ACOT7: variants seen among roughly 807,000 people sequenced by gnomAD.
ACOT7 encodes cytosolic acyl coenzyme A thioester hydrolase.
A neutral mutation model predicts 40.2 loss-of-function variants in ACOT7; 12 were observed. The ratio of observed to expected loss-of-function variants is 0.30; its 90% CI spans 0.19 to 0.48. The LOEUF is 0.48. Among genes scored for constraint, ACOT7 ranks in the 20% least tolerant of loss-of-function variants. The pLI is 0.99. For missense variants in ACOT7, 395 were observed against 530.8 expected (o/e 0.74, Z 2.51); for synonymous variants, 228 against 219.5 (o/e 1.04, Z -0.34).
chr1:6,325,388 A>AC (rs1208479844), intron 5 of ACOT7, among the ~76,000 whole-genome samples: 2 of 144,342 alleles, frequency 1.4e-5, no homozygotes, highest in African/African-American at 5.7e-5. Flanking sequence ...ATAGAGCGAG[A>AC]TTCTGCCTCA....
intron 8 of ACOT7, among the ~76,000 whole-genome samples, chr1:6,266,027 T>C (rs1429271915): frequency 6.6e-6 from 1 of 152,152 alleles, no homozygotes; most frequent in Non-Finnish European, 1.5e-5. Context: ...CTGGAGCCAA[T>C]GGAATCTTCG....
intron 2 of ACOT7, among the ~76,000 whole-genome samples, chr1:6,345,127 G>A (rs148641317): frequency 8.5e-5 from 13 of 152,306 alleles, no homozygotes; most frequent in South Asian, 2.1e-4. Context: ...CCAGTGCCTC[G>A]GATGAGCCCC....
Position 6,361,548 on chromosome 1 carries a change from C to T in ACOT7, c.144-11682G>A, listed in dbSNP as rs149020163. ...GTGGAGTAGTTCACGCCTGTAATCC[C>T]AGCCCCTTGGGAGGCCGAGGCAGGC... On this transcript the variant is annotated intron_variant, in intron 1 of 8. Coordinates refer to ENST00000361521, the MANE Select transcript of ACOT7 (RefSeq NM_007274.4). 2.3e-3 allele frequency among the ~76,000 whole-genome samples: 352 copies of T among 152,332 alleles called. 2 individuals are homozygous for T. The highest frequency in any genetic ancestry group is 4.3e-3 in the Non-Finnish European group (291 of 68,030).
chr1:6,344,782 A>G lies in ACOT7; in HGVS notation c.261+4967T>C, dbSNP rs1454631663. 3.4e-5 allele frequency among the ~76,000 whole-genome samples: 5 copies of G among 144,990 alleles called. No homozygotes were observed. In the East Asian group the frequency reaches 7.8e-4, roughly 22 times the overall value. Reference sequence around the variant, plus strand: ...CTGTCTCAAAAAAAAAAAAAAAAAAAAAAAAAAAGAAAAGAAGAAGAAAAG... The same window carrying G: ...CTGTCTCAAAAAAAAAAAAAAAAAAGAAAAAAAAGAAAAGAAGAAGAAAAG... On this transcript the variant is annotated intron_variant, in intron 2 of 8. Coordinates refer to ENST00000361521, the MANE Select transcript of ACOT7 (RefSeq NM_007274.4).
At chr1:6,325,629 G>A (rs1454336745) in intron 5 of ACOT7, among the ~76,000 whole-genome samples, 1 of 152,176 alleles carries the variant, frequency 6.6e-6, no homozygotes, top group Non-Finnish European at 1.5e-5. Flanking sequence ...AGTTGAGGCT[G>A]GAGCACAGAC....
Position 6,271,985 on chromosome 1 carries a change from C to T in ACOT7, c.1015-7290G>A, listed in dbSNP as rs577163983. ...CTGCAGGCACGGAGTGCCGTGGTCC[C>T]GGGACGCTCGGCTCACAGCTCTTGT... On this transcript the variant is annotated intron_variant, in intron 8 of 8. Coordinates refer to ENST00000361521, the MANE Select transcript of ACOT7 (RefSeq NM_007274.4). Among the ~76,000 whole-genome samples, 10 of 152,392 alleles carry T rather than the reference C, an allele frequency of 6.6e-5. No homozygotes were observed. The South Asian group carries it at 8.3e-4, about 13-fold the overall frequency.
chr1:6,385,310 G>A (rs1248643374), intron 1 of ACOT7, among the ~76,000 whole-genome samples: 1 of 151,834 alleles, frequency 6.6e-6, no homozygotes, highest in East Asian at 1.9e-4. Context: ...GAACATGCCA[G>A]GTCTCCACTG....
At chr1:6,334,674 G>A (rs1046526684) in intron 3 of ACOT7, among the ~76,000 whole-genome samples, 2 of 152,212 alleles carry the variant, frequency 1.3e-5, no homozygotes, top group Non-Finnish European at 1.5e-5. Flanking sequence ...GAGCAAAGTG[G>A]GGCTGCAGGA....
chr1:6,307,045 C>G (rs1239558950), intron 6 of ACOT7, among the ~76,000 whole-genome samples: 1 of 152,174 alleles, frequency 6.6e-6, no homozygotes, highest in Non-Finnish European at 1.5e-5. Flanking sequence ...TGTCCCCTGG[C>G]CTCAAGACCC....
intron 8 of ACOT7, 76 bp from the exon 9 acceptor site, chr1:6,264,771 GGCCCTGCCCCCCACCCGTGGGATCT>G (rs370641390): frequency 7.4e-6 from 11 of 1,487,082 alleles, no homozygotes; most frequent in South Asian, 1.2e-5. Context: ...CCTGGCCTGG[GGCCCTGCCCCCCACCCGTGGGATCT>G]GCCCCACCCC....
chr1:6,373,492 C>T (rs1487156746), intron 1 of ACOT7, among the ~76,000 whole-genome samples: 3 of 151,970 alleles, frequency 2.0e-5, no homozygotes, highest in Admixed American at 6.6e-5. Flanking sequence ...CTCAGGTGAT[C>T]CGCCTGCCTC....
At chr1:6,363,348 G>A (rs1399613682) in intron 1 of ACOT7, among the ~76,000 whole-genome samples, 1 of 152,124 alleles carries the variant, frequency 6.6e-6, no homozygotes, top group East Asian at 1.9e-4. Flanking sequence ...TAGCAGACCA[G>A]GAAAGGGAGT....
rs1639568990 is a variant in ACOT7, at chr1:6,288,470, T to G, written c.829+6394A>C. ...AGCTATGACAAGTGGCAGCCTGTCC[T>G]AGCAGACCTGAAGTGCCAGCTGGAG... On this transcript the variant is annotated intron_variant, in intron 7 of 8. Coordinates refer to ENST00000361521, the MANE Select transcript of ACOT7 (RefSeq NM_007274.4). The surrounding 1 kb of genome is among the most constrained non-coding windows in gnomAD (Gnocchi z 4.3). Among the ~76,000 whole-genome samples, 1 of 152,194 alleles carries G rather than the reference T, an allele frequency of 6.6e-6. No homozygotes were observed. The highest frequency in any genetic ancestry group is 6.5e-5 in the Admixed American group (1 of 15,274).
chr1:6,270,154 G>T (rs148365969), intron 8 of ACOT7, among the ~76,000 whole-genome samples: 3 of 152,226 alleles, frequency 2.0e-5, no homozygotes, highest in Admixed American at 2.0e-4. Context: ...ACCCTGTCCC[G>T]CTGGGTGAGA....
chr1:6,289,566 G>A lies in ACOT7; in HGVS notation c.829+5298C>T, dbSNP rs1639607816. ...ATTTTTAAATTTTTGTAGAGATGGGGCCTCACCATGTTGCCCAGGCTGGTC... is the reference window on the plus strand; with the variant it reads ...ATTTTTAAATTTTTGTAGAGATGGGACCTCACCATGTTGCCCAGGCTGGTC... On this transcript the variant is annotated intron_variant, in intron 7 of 8. Coordinates refer to ENST00000361521, the MANE Select transcript of ACOT7 (RefSeq NM_007274.4). The surrounding 1 kb of genome is among the most constrained non-coding windows in gnomAD (Gnocchi z 4.6). Among the ~76,000 whole-genome samples the A allele has an allele frequency of 6.6e-6, 1 of 152,054 alleles. No individual in the cohort carries two copies. Among genetic ancestry groups the A allele is most frequent in the African/African-American group, 2.4e-5 (1 of 41,376 alleles).
At chr1:6,304,356 C>T (rs537565229) in intron 6 of ACOT7, among the ~76,000 whole-genome samples, 56 of 149,264 alleles carry the variant, frequency 3.8e-4, no homozygotes, top group African/African-American at 1.4e-3. Context: ...AAGAAAAACA[C>T]CCCCATCCGA....
rs1639374957 is a variant in ACOT7, at chr1:6,282,100, G to A, written c.830-814C>T. Among the ~76,000 whole-genome samples, 1 of 151,852 alleles carries A rather than the reference G, an allele frequency of 6.6e-6. No individual in the cohort carries two copies. Among genetic ancestry groups the A allele is most frequent in the Non-Finnish European group, 1.5e-5 (1 of 67,972 alleles). Reference sequence around the variant, plus strand: ...TAACCAACCTCTCTGTACGCCCCACGCTCCCCAGGGCACGACAGTCCATCC... The same window carrying A: ...TAACCAACCTCTCTGTACGCCCCACACTCCCCAGGGCACGACAGTCCATCC... On this transcript the variant is annotated intron_variant, in intron 7 of 8. Transcript: ENST00000361521. The surrounding 1 kb of genome is among the most constrained non-coding windows in gnomAD (Gnocchi z 4.5).
At chr1:6,364,356 A>G (rs1224237499) in intron 1 of ACOT7, among the ~76,000 whole-genome samples, 2 of 151,784 alleles carry the variant, frequency 1.3e-5, no homozygotes, top group Non-Finnish European at 2.9e-5. Flanking sequence ...AGCCTGACCA[A>G]CATGGAAAAA....
In ACOT7 at chr1:6,294,099, G is replaced by A. The variant is rs1639746167; in HGVS notation, c.829+765C>T. Among the ~76,000 whole-genome samples, 1 of 152,234 alleles carries A rather than the reference G, an allele frequency of 6.6e-6. No individual in the cohort carries two copies. Among genetic ancestry groups the A allele is most frequent in the South Asian group, 2.1e-4 (1 of 4,834 alleles). The stretch of plus-strand genomic sequence containing the variant: ...CCGCTTTAATGAGGTGGTGTCCTCA[G>A]AATCAGCACCAGGCCCTGACGATGC... On this transcript the variant is annotated intron_variant, in intron 7 of 8. Transcript: ENST00000361521. This position sits in a 1 kb window ranked among gnomAD's most constrained non-coding sequence, Gnocchi z 4.6.
Sources: gnomAD v4.1 joint callset for allele counts (sites outside exome capture counted in the v4.1 genomes callset) on GRCh38, gnomAD v4.1.1 for gene constraint, Gnocchi (gnomAD v3.1) non-coding constraint, MANE v1.5 for transcripts, NCBI Gene and HGNC (gene_info 2026-07-23, HGNC 2026-07-21) for gene names.